PARD3: variants seen among roughly 807,000 people sequenced by gnomAD.
PARD3 encodes par-3 family cell polarity regulator.
Under a neutral mutation model 155.4 loss-of-function variants are expected in PARD3, and 75 were observed. The ratio of observed to expected loss-of-function variants is 0.48; its 90% CI spans 0.40 to 0.58. The LOEUF is 0.58. Ranked by LOEUF, PARD3 falls within the 20% of genes least tolerant of loss-of-function variation. The pLI is 0.00. For missense variants in PARD3, 1,642 were observed against 1,721.7 expected, an observed-to-expected ratio of 0.95 and a Z score of 0.82; for synonymous variants, 576 against 610.5, an observed-to-expected ratio of 0.94 and a Z score of 0.83.
At chr10:34,340,079 A>G (rs1836640810) in intron 16 of PARD3, among the ~76,000 whole-genome samples, 1 of 152,186 alleles carries the variant, frequency 6.6e-6, no homozygotes, top group Non-Finnish European at 1.5e-5. Flanking sequence ...TTGTTTGGAT[A>G]ACCCTTCATT....
At chr10:34,592,059 T>C (rs1390429122) in intron 2 of PARD3, among the ~76,000 whole-genome samples, 1 of 152,170 alleles carries the variant, frequency 6.6e-6, no homozygotes, top group Non-Finnish European at 1.5e-5. Flanking sequence ...AAAATTTCTT[T>C]CCTAAACCTT....
intron 14 of PARD3, among the ~76,000 whole-genome samples, chr10:34,350,871 A>G (rs1181841584): frequency 6.6e-6 from 1 of 152,010 alleles, no homozygotes; most frequent in Non-Finnish European, 1.5e-5. Flanking sequence ...GATAACCCAC[A>G]CTCGGTAGGA....
intron 22 of PARD3, among the ~76,000 whole-genome samples, chr10:34,221,633 CCTTT>C (rs767770907): frequency 3.3e-5 from 5 of 152,164 alleles, no homozygotes; most frequent in Non-Finnish European, 7.4e-5. Context: ...CCTATCCGTT[CCTTT>C]CTTAACAAGT....
chr10:34,575,463 C>T (rs1203188666), intron 2 of PARD3, among the ~76,000 whole-genome samples: 1 of 152,174 alleles, frequency 6.6e-6, no homozygotes, highest in African/African-American at 2.4e-5. Flanking sequence ...CTCCTATCTC[C>T]TATTTCTGCA....
At chr10:34,564,447 G>A (rs966250084) in intron 2 of PARD3, among the ~76,000 whole-genome samples, 5 of 152,120 alleles carry the variant, frequency 3.3e-5, no homozygotes, top group African/African-American at 1.2e-4. Flanking sequence ...TTCAGGATTT[G>A]CTTAGAAAAA....
At chr10:34,731,576 C>T (rs970950331) in intron 1 of PARD3, among the ~76,000 whole-genome samples, 13 of 152,110 alleles carry the variant, frequency 8.5e-5, no homozygotes, top group Non-Finnish European at 1.6e-4. Flanking sequence ...TACTTATTTG[C>T]CATTAAAATC....
intron 1 of PARD3, among the ~76,000 whole-genome samples, chr10:34,798,884 C>T (rs1373659554): frequency 6.6e-6 from 1 of 152,084 alleles, no homozygotes; most frequent in Non-Finnish European, 1.5e-5. Context: ...GGAGGTTGGC[C>T]TGGGCCAGGA....
intron 1 of PARD3, among the ~76,000 whole-genome samples, chr10:34,772,045 A>T (rs958693971): frequency 6.6e-6 from 1 of 152,194 alleles, no homozygotes; most frequent in African/African-American, 2.4e-5. Context: ...CATCTCGCCC[A>T]ACAAGCAGAA....
chr10:34,697,537 A>G (rs192596990), intron 1 of PARD3, among the ~76,000 whole-genome samples: 1 of 152,320 alleles, frequency 6.6e-6, no homozygotes. Flanking sequence ...CTAACAAAGC[A>G]TGCCTAAGTA....
At chr10:34,801,762 C>T (rs904883152) in intron 1 of PARD3, among the ~76,000 whole-genome samples, 1 of 151,970 alleles carries the variant, frequency 6.6e-6, no homozygotes, top group Admixed American at 6.6e-5. Context: ...CTTAAGATGC[C>T]CAAAATCACA....
chr10:34,260,805 C>T (rs1954916758), intron 22 of PARD3, among the ~76,000 whole-genome samples: 1 of 152,082 alleles, frequency 6.6e-6, no homozygotes, highest in South Asian at 2.1e-4. Flanking sequence ...GCAAATACAA[C>T]TTTGTTATAT....
chr10:34,391,201 G>GT (rs896623664), intron 7 of PARD3, among the ~76,000 whole-genome samples: 242 of 147,634 alleles, frequency 1.6e-3, no homozygotes, highest in Admixed American at 5.1e-3. Context: ...TTTTTTTTTA[G>GT]TTTTTTTTTT....
intron 15 of PARD3, chr10:34,345,269 G>T: frequency 1.0e-6 from 1 of 985,354 alleles, no homozygotes; most frequent in South Asian, 4.7e-5. Flanking sequence ...TCCTTTTGGG[G>T]TGTATCTTTT....
chr10:34,814,718 C>T (rs946549006), intron 1 of PARD3, among the ~76,000 whole-genome samples, 158 bp downstream of exon 1: 5 of 151,768 alleles, frequency 3.3e-5, no homozygotes, highest in African/African-American at 7.3e-5. Flanking sequence ...CTTTGGCGCC[C>T]GCAGTCCGGG....
chr10:34,614,472 G>A (rs1184799666), intron 2 of PARD3, among the ~76,000 whole-genome samples: 1 of 152,190 alleles, frequency 6.6e-6, no homozygotes, highest in Non-Finnish European at 1.5e-5. Flanking sequence ...GATTATGAAT[G>A]ATAAACAGTT....
chr10:34,772,637 C>CA (rs1839029332), intron 1 of PARD3, among the ~76,000 whole-genome samples: 1 of 151,092 alleles, frequency 6.6e-6, no homozygotes, highest in South Asian at 2.1e-4. Context: ...ACTAAAAATA[C>CA]AAAAAAATTA....
intron 4 of PARD3, among the ~76,000 whole-genome samples, chr10:34,453,362 TA>T (rs2077163825): frequency 6.6e-6 from 1 of 152,222 alleles, no homozygotes; most frequent in Admixed American, 6.5e-5. Flanking sequence ...TTCTAACTTA[TA>T]ATTTAGCTAA....
intron 1 of PARD3, among the ~76,000 whole-genome samples, chr10:34,738,832 G>T (rs1438429486): frequency 2.0e-5 from 3 of 152,192 alleles, no homozygotes; most frequent in African/African-American, 7.2e-5. Flanking sequence ...GACAGAAGGG[G>T]TCAAGGGGAG....
chr10:34,245,770 T>C (rs1403134503), intron 22 of PARD3, among the ~76,000 whole-genome samples: 1 of 152,108 alleles, frequency 6.6e-6, no homozygotes, highest in African/African-American at 2.4e-5. Context: ...TGGTACACAG[T>C]GGCAGCCACG....
Sources: gnomAD v4.1 joint callset for allele counts (sites outside exome capture counted in the v4.1 genomes callset) on GRCh38, gnomAD v4.1.1 for gene constraint, MANE v1.5 for transcripts, NCBI Gene and HGNC (gene_info 2026-07-23, HGNC 2026-07-21) for gene names.